The following LTBP1 variants were observed in gnomAD, a reference collection of about 807,000 sequenced individuals.
The protein encoded by LTBP1 is latent transforming growth factor beta binding protein 1.
A neutral mutation model predicts 207.6 loss-of-function variants in LTBP1; 129 were observed. The ratio of observed to expected loss-of-function variants is 0.62; its 90% confidence interval spans 0.54 to 0.72. The LOEUF (loss-of-function observed/expected upper bound fraction) is 0.72, where lower values mean the gene tolerates loss of function less well. Ranked by LOEUF, LTBP1 falls within the 30% of genes least tolerant of loss-of-function variation. The pLI is 0.00. For missense variants in LTBP1, 2,281 were observed against 2,217.2 expected (o/e 1.03, Z -0.58); for synonymous variants, 963 against 833.7 (o/e 1.16, Z -2.67).
intron 18 of LTBP1, among the ~76,000 whole-genome samples, chr2:33,279,252 CTT>C (rs1478722899): frequency 6.6e-6 from 1 of 152,192 alleles, no homozygotes; most frequent in Non-Finnish European, 1.5e-5. Context: ...TGAACTCTCT[CTT>C]ATATCTTTTT....
At chr2:33,195,887 A>ACCC (rs2088494301) in intron 7 of LTBP1, among the ~76,000 whole-genome samples, 1 of 152,222 alleles carries the variant, frequency 6.6e-6, no homozygotes, top group East Asian at 1.9e-4. Context: ...ACCCTCAGGA[A>ACCC]CCCCCATCCT....
At chr2:33,059,435 T>A (rs2077162694) in intron 3 of LTBP1, among the ~76,000 whole-genome samples, 1 of 152,192 alleles carries the variant, frequency 6.6e-6, no homozygotes, top group Non-Finnish European at 1.5e-5. Context: ...GGGATCTAAT[T>A]TCAAACACCT....
chr2:33,142,966 C>G (rs926954577), intron 5 of LTBP1, among the ~76,000 whole-genome samples: 1 of 152,224 alleles, frequency 6.6e-6, no homozygotes, highest in East Asian at 1.9e-4. Context: ...AAAGTCTAAA[C>G]TGCTTAGCAT....
intron 7 of LTBP1, among the ~76,000 whole-genome samples, chr2:33,202,873 T>A (rs760493716): frequency 1.3e-5 from 2 of 152,196 alleles, no homozygotes; most frequent in Admixed American, 1.3e-4. Flanking sequence ...AGGCTGAGGC[T>A]ACTAGACATC....
intron 31 of LTBP1, among the ~76,000 whole-genome samples, chr2:33,383,829 G>T (rs567476948): frequency 2.0e-5 from 3 of 152,258 alleles, no homozygotes; most frequent in Non-Finnish European, 2.9e-5. Context: ...GAGCCACTGC[G>T]CCCAGCCCTG....
At chr2:33,205,742 C>T (rs1323302604) in intron 7 of LTBP1, among the ~76,000 whole-genome samples, 1 of 152,124 alleles carries the variant, frequency 6.6e-6, no homozygotes, top group Non-Finnish European at 1.5e-5. Context: ...TATGTTGAAG[C>T]CCCAAACCCC....
chr2:33,257,234 G>A, intron 11 of LTBP1, 50 bp from the exon 12 acceptor site: 1 of 1,381,580 alleles, frequency 7.2e-7, no homozygotes, highest in South Asian at 1.2e-5. Flanking sequence ...CTCTGTATAA[G>A]TTTGCACTGT....
intron 2 of LTBP1, among the ~76,000 whole-genome samples, chr2:32,996,472 A>G (rs219165): frequency 0.21 from 32,427 of 152,120 alleles, 4,582 homozygotes; most frequent in Non-Finnish European, 0.32. Context: ...CATTCAGCCC[A>G]TGACACTGTT....
intron 3 of LTBP1, among the ~76,000 whole-genome samples, chr2:33,050,656 G>T (rs2076687700): frequency 6.6e-6 from 1 of 152,006 alleles, no homozygotes; most frequent in African/African-American, 2.4e-5. Flanking sequence ...AGAGTCCTGG[G>T]CCTGGAAACA....
intron 7 of LTBP1, among the ~76,000 whole-genome samples, chr2:33,202,276 A>G (rs2089392738): frequency 6.6e-6 from 1 of 152,208 alleles, no homozygotes; most frequent in African/African-American, 2.4e-5. Context: ...CCACTGGACA[A>G]AAGCCAGTAA....
intron 5 of LTBP1, among the ~76,000 whole-genome samples, chr2:33,136,795 C>T (rs534423335): frequency 6.6e-6 from 1 of 152,180 alleles, no homozygotes; most frequent in Admixed American, 6.5e-5. Context: ...CTTGCTGGCA[C>T]TGAACCAGAT....
chr2:33,299,520 A>G (rs1187192192), intron 20 of LTBP1, among the ~76,000 whole-genome samples: 1 of 152,220 alleles, frequency 6.6e-6, no homozygotes, highest in Non-Finnish European at 1.5e-5. Context: ...TCCCTTCGGT[A>G]ATCTTCACAA....
chr2:33,031,379 A>G (rs1238457479), intron 3 of LTBP1, among the ~76,000 whole-genome samples: 1 of 152,206 alleles, frequency 6.6e-6, no homozygotes, highest in Non-Finnish European at 1.5e-5. Context: ...CCCCCAGAAC[A>G]CAGATTCTCA....
chr2:33,313,985 G>C lies in LTBP1; in HGVS notation c.3605-1159G>C, dbSNP rs1442202611. Reference sequence around the variant, plus strand: ...ACTGTTAGCCAATATAATTAGAACTGGTTTGAAAGAGCCTTTTACTTATAG... The same window carrying C: ...ACTGTTAGCCAATATAATTAGAACTCGTTTGAAAGAGCCTTTTACTTATAG... On this transcript the variant is annotated intron_variant, in intron 23 of 33. Transcript: ENST00000404816. Among the ~76,000 whole-genome samples the C allele has an allele frequency of 5.3e-5, 8 of 152,206 alleles. No individual in the cohort carries two copies. The South Asian group carries it at 1.7e-3, about 32-fold the overall frequency.
At chr2:33,340,654 T>G (rs2094607766) in intron 24 of LTBP1, among the ~76,000 whole-genome samples, 2 of 152,030 alleles carry the variant, frequency 1.3e-5, no homozygotes, top group East Asian at 3.9e-4. Context: ...GGAAGTAAGA[T>G]TCTAGGTCAT....
At chr2:33,190,061 G>GTACA (rs2087681801) in intron 7 of LTBP1, among the ~76,000 whole-genome samples, 1 of 152,090 alleles carries the variant, frequency 6.6e-6, no homozygotes, top group South Asian at 2.1e-4. Context: ...AACTTGCAAG[G>GTACA]TGTAGTGCAT....
chr2:33,042,279 T>A (rs1193226027), intron 3 of LTBP1, among the ~76,000 whole-genome samples: 1 of 152,244 alleles, frequency 6.6e-6, no homozygotes, highest in East Asian at 1.9e-4. Context: ...CAAGTACATT[T>A]GATATAAACA....
rs2094915757 is a variant in LTBP1, at chr2:33,360,518, C to T, written c.4001-79C>T. On this transcript the variant is annotated intron_variant, in intron 26 of 33. Coordinates refer to ENST00000404816, the MANE Select transcript of LTBP1 (RefSeq NM_206943.4). ...ATGCTATTGACACGGTCACTCTTTC[C>T]CCCATTGCATTCTCTACTTGTTGTC... 6 of 869,668 alleles carry T rather than the reference C, an allele frequency of 6.9e-6. 1 individual carries two copies. In the South Asian group the frequency reaches 9.8e-5, roughly 14 times the overall value. 53.9% of individuals were successfully genotyped at this position (869,668 alleles called of 1,614,324 possible).
chr2:33,016,574 A>G (rs1688408657), intron 2 of LTBP1, among the ~76,000 whole-genome samples: 2 of 152,096 alleles, frequency 1.3e-5, no homozygotes, highest in Non-Finnish European at 2.9e-5. Flanking sequence ...GGTGATTCTA[A>G]TGTACAGCCA....
Sources: allele counts gnomAD v4.1 joint callset (sites outside exome capture counted in the v4.1 genomes callset), GRCh38; gene constraint gnomAD v4.1.1; transcripts MANE v1.5; gene names NCBI Gene and HGNC (gene_info 2026-07-23, HGNC 2026-07-21).